The following CIT variants were observed in gnomAD, a reference collection of about 807,000 sequenced individuals.
The protein encoded by CIT is citron rho-interacting serine/threonine kinase, also known as citron Rho-interacting kinase.
A neutral mutation model predicts 272.7 loss-of-function variants in CIT; 79 were observed. The ratio of observed to expected loss-of-function variants is 0.29; its 90% CI spans 0.24 to 0.35. The LOEUF (loss-of-function observed/expected upper bound fraction) is 0.35. Ranked by LOEUF, CIT falls within the 10% of genes least tolerant of loss-of-function variation. The pLI is 1.00. For synonymous variants in CIT, 948 were observed against 995.6 expected (o/e 0.95, Z 0.90); for missense variants, 1,909 against 2,618.3 (o/e 0.73, Z 5.91).
chr12:119,825,141 C>G (rs766226739), intron 8 of CIT, 24 bp downstream of exon 8: 1 of 1,595,768 alleles, frequency 6.3e-7, no homozygotes, highest in East Asian at 2.2e-5. Context: ...AATGTGACTT[C>G]GAAATCTTCT....
At chr12:119,814,403 C>A (rs1966943649) in intron 9 of CIT, among the ~76,000 whole-genome samples, 2 of 152,142 alleles carry the variant, frequency 1.3e-5, no homozygotes, top group African/African-American at 4.8e-5. Flanking sequence ...CTTCATTATT[C>A]CTTTTTTGTT....
At chr12:119,862,971 G>A (rs185978417) in intron 3 of CIT, among the ~76,000 whole-genome samples, 10 of 148,094 alleles carry the variant, frequency 6.8e-5, no homozygotes, top group African/African-American at 9.9e-5. Flanking sequence ...GGAAAAAGAC[G>A]AGGCCGGCGG....
At chr12:119,818,893 A>G (rs913662253) in intron 9 of CIT, among the ~76,000 whole-genome samples, 17 of 152,196 alleles carry the variant, frequency 1.1e-4, no homozygotes, top group African/African-American at 4.1e-4. Context: ...ATCTTAAAAG[A>G]TGTTGATAGA....
chr12:119,827,849 C>G (rs1362052397), intron 7 of CIT, among the ~76,000 whole-genome samples: 1 of 152,216 alleles, frequency 6.6e-6, no homozygotes, highest in Non-Finnish European at 1.5e-5. Flanking sequence ...TCCTTTATGT[C>G]TAATTACCTT....
chr12:119,818,496 G>A (rs1271267139), intron 9 of CIT, among the ~76,000 whole-genome samples: 29 of 152,162 alleles, frequency 1.9e-4, no homozygotes. Flanking sequence ...GGGCCAGCTA[G>A]CAAATAAGCA....
chr12:119,821,384 G>C (rs1479134456), intron 9 of CIT, among the ~76,000 whole-genome samples: 1 of 152,092 alleles, frequency 6.6e-6, no homozygotes, highest in East Asian at 1.9e-4. Flanking sequence ...AATATATTAT[G>C]CCTAATTTAT....
intron 3 of CIT, among the ~76,000 whole-genome samples, chr12:119,868,736 C>T (rs890833654): frequency 3.3e-5 from 5 of 152,184 alleles, no homozygotes; most frequent in African/African-American, 9.7e-5. Context: ...TGGGGTTTCA[C>T]CATGTTGCCC....
intron 7 of CIT, among the ~76,000 whole-genome samples, chr12:119,827,513 C>CT (rs1968269860): frequency 6.6e-6 from 1 of 151,894 alleles, no homozygotes; most frequent in African/African-American, 2.4e-5. Context: ...TCTCAGCTCA[C>CT]TGCAACCTCC....
At chr12:119,722,202 C>T (rs1246617859) in intron 28 of CIT, among the ~76,000 whole-genome samples, 9 of 152,054 alleles carry the variant, frequency 5.9e-5, no homozygotes, top group Non-Finnish European at 1.2e-4. Context: ...AAAATGCATC[C>T]GTTTCTAAAA....
At chr12:119,819,477 T>C (rs987536285) in intron 9 of CIT, among the ~76,000 whole-genome samples, 1 of 152,226 alleles carries the variant, frequency 6.6e-6, no homozygotes, top group African/African-American at 2.4e-5. Context: ...TTAAATTGCA[T>C]TTATATATCC....
intron 23 of CIT, among the ~76,000 whole-genome samples, chr12:119,743,231 A>G (rs552488884): frequency 1.4e-5 from 2 of 141,318 alleles, no homozygotes; most frequent in Admixed American, 1.4e-4. Flanking sequence ...GGACCAGTTT[A>G]AAAAAAAAAA....
At chr12:119,757,567 T>G in intron 21 of CIT, 22 bp from the exon 22 acceptor site, 5 of 1,613,808 alleles carry the variant, frequency 3.1e-6, no homozygotes, top group Non-Finnish European at 4.2e-6. Flanking sequence ...GGTGGGAGGA[T>G]CCAAACAAAA....
chr12:119,800,415 C>T (rs1213141197), intron 10 of CIT, among the ~76,000 whole-genome samples: 1 of 152,220 alleles, frequency 6.6e-6, no homozygotes, highest in Non-Finnish European at 1.5e-5. Context: ...TAATGATGCA[C>T]TCAATGGCTT....
intron 10 of CIT, among the ~76,000 whole-genome samples, chr12:119,796,083 C>T (rs1965708091): frequency 6.6e-6 from 1 of 152,230 alleles, no homozygotes; most frequent in Non-Finnish European, 1.5e-5. Flanking sequence ...GGCCAGACAA[C>T]ACTATTGAAG....
intron 10 of CIT, among the ~76,000 whole-genome samples, chr12:119,791,087 G>A (rs949686883): frequency 2.0e-5 from 3 of 152,136 alleles, no homozygotes; most frequent in Admixed American, 6.6e-5. Flanking sequence ...CTCCTACCAC[G>A]TTACCATGAT....
chr12:119,840,483 A>AT (rs1219073778), intron 5 of CIT, among the ~76,000 whole-genome samples: 7 of 152,174 alleles, frequency 4.6e-5, no homozygotes, highest in African/African-American at 1.7e-4. Context: ...AAACACCAGA[A>AT]TAAAAAAAAA....
At chr12:119,872,380 A>G (rs1023578757) in intron 2 of CIT, among the ~76,000 whole-genome samples, 2 of 152,154 alleles carry the variant, frequency 1.3e-5, no homozygotes. Flanking sequence ...ACAAAATGAC[A>G]CTCAGTCTAA....
At chr12:119,839,052 C>G (rs1490867430) in intron 5 of CIT, among the ~76,000 whole-genome samples, 1 of 152,204 alleles carries the variant, frequency 6.6e-6, no homozygotes, top group Non-Finnish European at 1.5e-5. Context: ...TTCAGGCCAA[C>G]AGAGACAGAC....
intron 9 of CIT, among the ~76,000 whole-genome samples, chr12:119,810,264 T>C (rs375673956): frequency 1.1e-4 from 16 of 152,280 alleles, no homozygotes; most frequent in East Asian, 3.9e-4. Context: ...GGAGGACGCC[T>C]AGTGGTGTCC....
Sources: gnomAD v4.1 joint callset for allele counts (sites outside exome capture counted in the v4.1 genomes callset) on GRCh38, gnomAD v4.1.1 for gene constraint, MANE v1.5 for transcripts, NCBI Gene and HGNC (gene_info 2026-07-23, HGNC 2026-07-21) for gene names.